GPM6A: variants seen among roughly 807,000 people sequenced by gnomAD.
GPM6A encodes the protein glycoprotein M6A.
In GPM6A, 7 loss-of-function variants were observed where a neutral mutation model predicts 32.1. The ratio of observed to expected loss-of-function variants is 0.22; its 90% CI spans 0.12 to 0.41. GPM6A has a LOEUF of 0.41. GPM6A is among the 10% of genes least tolerant of loss of function. The pLI, the probability that GPM6A is intolerant of heterozygous loss-of-function variation, is 1.00. For missense variants in GPM6A, 235 were observed against 347.2 expected (o/e 0.68, Z 2.57); for synonymous variants, 130 against 123.4 (o/e 1.05, Z -0.35).
intron 1 of GPM6A, among the ~76,000 whole-genome samples, chr4:175,721,478 G>GA (rs753343591): frequency 9.1e-4 from 125 of 138,000 alleles, no homozygotes; most frequent in Admixed American, 1.4e-3. Context: ...TCCGTCTCAA[G>GA]AAAAAAAAAA....
rs372848107 is a variant in GPM6A, at chr4:175,895,646, G to A, written c.-22-83397C>T. ...TCAACCTATTAATATAGTAACAGTA[G>A]GATATTGGTAAAGTCTCAACTGTAG... On this transcript the variant is annotated intron_variant, in intron 1 of 7. Transcript: ENST00000280187. Among the ~76,000 whole-genome samples, 24 of 152,226 alleles carry A rather than the reference G, an allele frequency of 1.6e-4. 1 individual carries two copies. In the East Asian group the frequency reaches 4.0e-3, roughly 26 times the overall value.
chr4:175,920,440 G>A (rs1738628774), intron 1 of GPM6A, among the ~76,000 whole-genome samples: 2 of 152,198 alleles, frequency 1.3e-5, no homozygotes, highest in African/African-American at 2.4e-5. Context: ...CTCAAAGAAT[G>A]TTAGTAACTA....
chr4:175,806,482 A>G (rs754028548), intron 1 of GPM6A, among the ~76,000 whole-genome samples: 3 of 152,226 alleles, frequency 2.0e-5, no homozygotes, highest in Non-Finnish European at 4.4e-5. Flanking sequence ...ACAAGATGTT[A>G]GAAATGTGTT....
intron 1 of GPM6A, 98 bp downstream of exon 1, chr4:175,812,093 A>G (rs934086402): frequency 3.4e-6 from 3 of 889,678 alleles, no homozygotes; most frequent in Non-Finnish European, 5.3e-6. Context: ...GCCTTCCAAG[A>G]GAGAAACATT....
chr4:175,733,630 T>TA (rs540426467), intron 1 of GPM6A, among the ~76,000 whole-genome samples: 66 of 149,452 alleles, frequency 4.4e-4, no homozygotes, highest in Non-Finnish European at 7.5e-4. Context: ...TTCTTCCACT[T>TA]AAAAAAAAAA....
intron 2 of GPM6A, among the ~76,000 whole-genome samples, chr4:175,698,694 G>T (rs929464040): frequency 6.6e-6 from 1 of 152,110 alleles, no homozygotes; most frequent in Non-Finnish European, 1.5e-5. Flanking sequence ...CCTGTATAAG[G>T]AATTTTAGTA....
chr4:175,781,320 G>A (rs866866968), intron 1 of GPM6A: 15 of 152,244 alleles, frequency 9.9e-5, no homozygotes, highest in African/African-American at 3.4e-4. Context: ...AGGGAAGGGG[G>A]TGTCAGGGAG....
chr4:175,752,528 T>C (rs553801781), intron 1 of GPM6A, among the ~76,000 whole-genome samples: 21 of 152,092 alleles, frequency 1.4e-4, no homozygotes, highest in African/African-American at 4.8e-4. Context: ...TCCTCTATGC[T>C]CTAAAAAAGT....
At chr4:175,877,827 A>G (rs374571983) in intron 1 of GPM6A, among the ~76,000 whole-genome samples, 1 of 152,204 alleles carries the variant, frequency 6.6e-6, no homozygotes. Flanking sequence ...TTCCAGAATT[A>G]ACTCAAAAGT....
At chr4:175,662,886 TA>T (rs908538157) in intron 3 of GPM6A, among the ~76,000 whole-genome samples, 122 of 151,282 alleles carry the variant, frequency 8.1e-4, no homozygotes, top group African/African-American at 2.6e-3. Flanking sequence ...ATAGAAAGTT[TA>T]AAAAAAAATC....
chr4:175,856,151 A>G (rs1341735659), intron 1 of GPM6A, among the ~76,000 whole-genome samples: 1 of 152,270 alleles, frequency 6.6e-6, no homozygotes, highest in Non-Finnish European at 1.5e-5. Context: ...GGATTTTTTA[A>G]GGTAAAAAAC....
chr4:175,808,229 G>T (rs1734776136), intron 1 of GPM6A, among the ~76,000 whole-genome samples: 1 of 152,038 alleles, frequency 6.6e-6, no homozygotes, highest in Non-Finnish European at 1.5e-5. Context: ...CAGCCTATAA[G>T]CTGTACTGTA....
chr4:175,709,111 T>G (rs1745383285), intron 1 of GPM6A, among the ~76,000 whole-genome samples: 1 of 152,240 alleles, frequency 6.6e-6, no homozygotes, highest in Admixed American at 6.5e-5. Context: ...ATTTTCTCAT[T>G]AAGTTGTATA....
chr4:175,646,108 G>T (rs1014146037), intron 4 of GPM6A, among the ~76,000 whole-genome samples: 1 of 152,038 alleles, frequency 6.6e-6, no homozygotes, highest in East Asian at 1.9e-4. Context: ...GATAATTCAG[G>T]CTCGTTACTT....
chr4:175,799,416 C>T (rs183390578), intron 1 of GPM6A, among the ~76,000 whole-genome samples: 1 of 152,242 alleles, frequency 6.6e-6, no homozygotes, highest in African/African-American at 2.4e-5. Flanking sequence ...ATGTTCCCCT[C>T]TCACACTAAG....
intron 1 of GPM6A, among the ~76,000 whole-genome samples, chr4:175,758,164 T>A (rs1465891958): frequency 6.6e-6 from 1 of 152,070 alleles, no homozygotes; most frequent in East Asian, 1.9e-4. Flanking sequence ...TTAACCAGAG[T>A]CATCTGTAAG....
chr4:175,745,046 T>C (rs1732043538), intron 1 of GPM6A, among the ~76,000 whole-genome samples: 1 of 152,110 alleles, frequency 6.6e-6, no homozygotes, highest in Non-Finnish European at 1.5e-5. Context: ...TTTTCCTTTT[T>C]GTGACACTGT....
chr4:175,663,081 TG>T (rs908672404), intron 3 of GPM6A, among the ~76,000 whole-genome samples: 3 of 152,178 alleles, frequency 2.0e-5, no homozygotes, highest in African/African-American at 7.2e-5. Flanking sequence ...CTAATTACAA[TG>T]TAGGATCTCT....
intron 1 of GPM6A, among the ~76,000 whole-genome samples, chr4:175,920,311 TCCTCTCTTGTG>T: frequency 6.6e-6 from 1 of 152,316 alleles, no homozygotes. Flanking sequence ...AAGTCACTTA[TCCTCTCTTGTG>T]CTTAATTCTC....
Sources: allele counts gnomAD v4.1 joint callset (sites outside exome capture counted in the v4.1 genomes callset), GRCh38; gene constraint gnomAD v4.1.1; transcripts MANE v1.5; gene names NCBI Gene and HGNC (gene_info 2026-07-23, HGNC 2026-07-21).